Variants in TRPM3 observed in about 807,000 individuals in gnomAD.
TRPM3 encodes the protein long transient receptor potential channel 3.
TRPM3 carries 77 observed loss-of-function variants against 181.2 expected under a neutral mutation model. The ratio of observed to expected loss-of-function variants is 0.42; its 90% CI spans 0.35 to 0.51. The LOEUF (loss-of-function observed/expected upper bound fraction) is 0.51. TRPM3 is among the 20% of genes least tolerant of loss of function. TRPM3 has a pLI of 0.01. For missense variants in TRPM3, 1,759 were observed against 2,196.7 expected (o/e 0.80, Z 3.98); for synonymous variants, 745 against 796.4 (o/e 0.94, Z 1.09).
chr9:71,217,679 CTGA>C (rs1336263279), intron 1 of TRPM3, among the ~76,000 whole-genome samples: 1 of 152,198 alleles, frequency 6.6e-6, no homozygotes, highest in Non-Finnish European at 1.5e-5. Context: ...TCCAGCTGTC[CTGA>C]TGAAGTCTGA....
chr9:71,242,508 T>C (rs1472179486), intron 1 of TRPM3, among the ~76,000 whole-genome samples: 1 of 152,334 alleles, frequency 6.6e-6, no homozygotes, highest in African/African-American at 2.4e-5. Flanking sequence ...GCAAGTTGGC[T>C]ACCTAAAAAC....
chr9:70,924,569 T>C (rs961331974), intron 1 of TRPM3, among the ~76,000 whole-genome samples: 1 of 152,222 alleles, frequency 6.6e-6, no homozygotes, highest in Admixed American at 6.5e-5. Flanking sequence ...AGAAGTACAA[T>C]GACTGAGTCA....
chr9:71,401,497 G>C (rs1389684941), intron 1 of TRPM3, among the ~76,000 whole-genome samples: 1 of 152,158 alleles, frequency 6.6e-6, no homozygotes, highest in African/African-American at 2.4e-5. Flanking sequence ...TTAGGTAAAA[G>C]AGAAAATCGT....
chr9:71,282,855 C>G (rs899361417), intron 1 of TRPM3, among the ~76,000 whole-genome samples: 2 of 152,134 alleles, frequency 1.3e-5, no homozygotes, highest in Non-Finnish European at 2.9e-5. Context: ...GTGTATGCTA[C>G]CAGCTTTACC....
intron 1 of TRPM3, among the ~76,000 whole-genome samples, chr9:71,057,842 C>A (rs938444173): frequency 1.3e-5 from 2 of 151,984 alleles, no homozygotes; most frequent in African/African-American, 4.8e-5. Flanking sequence ...AAAATAGACT[C>A]AAATTTTTAC....
At chr9:70,638,160 A>AGGACAC (rs1368323074) in intron 11 of TRPM3, among the ~76,000 whole-genome samples, 2 of 152,138 alleles carry the variant, frequency 1.3e-5, no homozygotes, top group Non-Finnish European at 2.9e-5. Flanking sequence ...CTGCCTTGTG[A>AGGACAC]GGACACAGCA....
In TRPM3 at chr9:70,956,178, C is replaced by T. The variant is rs965515436; in HGVS notation, c.178-91667G>A. 7.2e-5 allele frequency among the ~76,000 whole-genome samples: 11 copies of T among 151,912 alleles called. 1 individual carries two copies. Among genetic ancestry groups the T allele is most frequent in the African/African-American group, 2.7e-4 (11 of 41,378 alleles). On this transcript the variant is annotated intron_variant, in intron 1 of 25. Coordinates refer to ENST00000677713, the MANE Select transcript of TRPM3 (RefSeq NM_001366145.2). ...AAGGAATTGGGCATGTTGGGCGTAA[C>T]AGACCACAGGCTATACTTATATGAA... is the stretch of plus-strand genomic sequence containing the variant.
chr9:71,275,425 T>C (rs2084124049), intron 1 of TRPM3, among the ~76,000 whole-genome samples: 1 of 152,216 alleles, frequency 6.6e-6, no homozygotes, highest in Non-Finnish European at 1.5e-5. Context: ...ATAGTCAATA[T>C]TGCAAAAATG....
intron 1 of TRPM3, among the ~76,000 whole-genome samples, chr9:70,927,882 C>T (rs957036549): frequency 6.6e-6 from 1 of 152,214 alleles, no homozygotes; most frequent in African/African-American, 2.4e-5. Flanking sequence ...AGCTTTCTTA[C>T]TTCCCACCAA....
At chr9:71,026,691 G>C (rs575045873) in intron 1 of TRPM3, among the ~76,000 whole-genome samples, 1 of 152,248 alleles carries the variant, frequency 6.6e-6, no homozygotes, top group South Asian at 2.1e-4. Context: ...CCAGTGCTCT[G>C]CCCCTGTGCT....
At chr9:71,063,218 C>T (rs1314125134) in intron 1 of TRPM3, among the ~76,000 whole-genome samples, 1 of 152,124 alleles carries the variant, frequency 6.6e-6, no homozygotes. Flanking sequence ...GGGAAAGTCA[C>T]AAAGCTCTTA....
intron 1 of TRPM3, among the ~76,000 whole-genome samples, chr9:70,949,460 T>A (rs542593261): frequency 1.8e-4 from 27 of 151,758 alleles, no homozygotes; most frequent in African/African-American, 5.8e-4. Flanking sequence ...CACCTTCCAG[T>A]AAAAGGAGGA....
At chr9:70,890,415 A>G (rs912371911) in intron 1 of TRPM3, among the ~76,000 whole-genome samples, 3 of 152,088 alleles carry the variant, frequency 2.0e-5, no homozygotes, top group Admixed American at 6.6e-5. Context: ...TATCAAAAAA[A>G]TTGATATAAG....
intron 1 of TRPM3, among the ~76,000 whole-genome samples, chr9:70,915,438 C>T (rs2096582729): frequency 6.6e-6 from 1 of 151,662 alleles, no homozygotes; most frequent in African/African-American, 2.4e-5. Flanking sequence ...GCTGGGACTA[C>T]AGGCGCCCAC....
chr9:71,189,689 T>C (rs771954855), intron 1 of TRPM3, among the ~76,000 whole-genome samples: 4 of 151,784 alleles, frequency 2.6e-5, no homozygotes, highest in Non-Finnish European at 5.9e-5. Flanking sequence ...TACCTTTTCA[T>C]CCCTCAAGGC....
At chr9:71,134,595 T>C (rs984225998) in intron 1 of TRPM3, among the ~76,000 whole-genome samples, 16 of 151,188 alleles carry the variant, frequency 1.1e-4, no homozygotes, top group Non-Finnish European at 1.6e-4. Flanking sequence ...TCACAAACAT[T>C]ATCTCCATAA....
intron 1 of TRPM3, among the ~76,000 whole-genome samples, chr9:71,217,662 A>G (rs954902559): frequency 3.3e-5 from 5 of 152,226 alleles, no homozygotes; most frequent in African/African-American, 1.2e-4. Flanking sequence ...TTAAGTCTGG[A>G]TTGAAATCCA....
chr9:71,234,795 C>T (rs2081266631), intron 1 of TRPM3, among the ~76,000 whole-genome samples: 1 of 152,166 alleles, frequency 6.6e-6, no homozygotes, highest in South Asian at 2.1e-4. Flanking sequence ...TTGGGAGATA[C>T]AATTCAGTCA....
intron 1 of TRPM3, among the ~76,000 whole-genome samples, chr9:71,299,015 T>C: frequency 6.6e-6 from 1 of 152,018 alleles, no homozygotes; most frequent in Non-Finnish European, 1.5e-5. Flanking sequence ...AAAAAGAGAC[T>C]GCTGAATTTA....
Sources: gnomAD v4.1 joint callset for allele counts (sites outside exome capture counted in the v4.1 genomes callset) on GRCh38, gnomAD v4.1.1 for gene constraint, MANE v1.5 for transcripts, NCBI Gene and HGNC (gene_info 2026-07-23, HGNC 2026-07-21) for gene names.